XYLT1: variants seen among roughly 807,000 people sequenced by gnomAD.
XYLT1 encodes beta-D-xylosyltransferase 1.
XYLT1 carries 36 observed loss-of-function variants against 91.3 expected under a neutral mutation model. That is an observed-to-expected ratio of 0.39 (90% confidence interval 0.30 to 0.52). XYLT1 has a LOEUF of 0.52. XYLT1 is among the 20% of genes least tolerant of loss of function. The pLI, the probability that XYLT1 is intolerant of heterozygous loss-of-function variation, is 0.68. For missense variants in XYLT1, 1,242 were observed against 1,284.5 expected, an observed-to-expected ratio of 0.97 and a Z score of 0.51; for synonymous variants, 588 against 532.0, an observed-to-expected ratio of 1.11 and a Z score of -1.45.
chr16:17,387,403 C>T (rs1265377697), intron 1 of XYLT1, among the ~76,000 whole-genome samples: 1 of 152,184 alleles, frequency 6.6e-6, no homozygotes, highest in Non-Finnish European at 1.5e-5. Flanking sequence ...TCGCCACCCC[C>T]CACCTCCCTC....
intron 1 of XYLT1, among the ~76,000 whole-genome samples, chr16:17,400,635 GGAAGGA>G (rs1567189554): frequency 4.7e-4 from 33 of 70,452 alleles, no homozygotes; most frequent in African/African-American, 8.9e-4. Context: ...AAGGGAGGAA[GGAAGGA>G]AGGAAGGAAG....
chr16:17,414,608 C>T (rs1031815987), intron 1 of XYLT1, among the ~76,000 whole-genome samples: 1 of 152,200 alleles, frequency 6.6e-6, no homozygotes, highest in Non-Finnish European at 1.5e-5. Flanking sequence ...ACTGGGCACC[C>T]ACAGGAAGCC....
intron 3 of XYLT1, among the ~76,000 whole-genome samples, chr16:17,241,946 T>C (rs947936409): frequency 6.6e-6 from 1 of 152,134 alleles, no homozygotes; most frequent in African/African-American, 2.4e-5. Flanking sequence ...GGGGAAGACC[T>C]CACAAGTATG....
chr16:17,446,525 TG>T (rs2036593622), intron 1 of XYLT1: 1 of 151,934 alleles, frequency 6.6e-6, no homozygotes, highest in Non-Finnish European at 1.5e-5. Context: ...CAACAGGTGA[TG>T]CTGCCTCTTC....
chr16:17,269,456 C>T (rs759072477), intron 2 of XYLT1, among the ~76,000 whole-genome samples: 14 of 152,168 alleles, frequency 9.2e-5, no homozygotes, highest in Admixed American at 3.3e-4. Context: ...AGATTACAAG[C>T]GTGAGCTACC....
In XYLT1 at chr16:17,456,338, T is replaced by C. The variant is rs576632692; in HGVS notation, c.363+14096A>G. On this transcript the variant is annotated intron_variant, in intron 1 of 11. Transcript: ENST00000261381. The stretch of plus-strand genomic sequence containing the variant: ...GCAGGCAAACAGTACAAACCTTTTT[T>C]TTTTTTTTTTTTTTTTGGAGACAGG... Among the ~76,000 whole-genome samples the C allele has an allele frequency of 9.0e-5, 13 of 144,952 alleles. No individual in the cohort carries two copies. The South Asian group carries it at 2.9e-3, about 32-fold the overall frequency.
chr16:17,272,094 T>A (rs1036483817), intron 2 of XYLT1, among the ~76,000 whole-genome samples: 1 of 151,854 alleles, frequency 6.6e-6, no homozygotes, highest in African/African-American at 2.4e-5. Context: ...ACACATTCAT[T>A]TGGGCAGTGG....
chr16:17,152,905 G>A (rs1335476679), intron 6 of XYLT1, among the ~76,000 whole-genome samples: 1 of 152,042 alleles, frequency 6.6e-6, no homozygotes, highest in East Asian at 1.9e-4. Context: ...GGTTGGAGTG[G>A]CTAATTTTAT....
At chr16:17,111,678 T>G (rs1966841120) in intron 11 of XYLT1, among the ~76,000 whole-genome samples, 1 of 152,190 alleles carries the variant, frequency 6.6e-6, no homozygotes, top group African/African-American at 2.4e-5. Context: ...AAATTTGCCT[T>G]GACTAACACA....
intron 1 of XYLT1, among the ~76,000 whole-genome samples, chr16:17,403,051 T>C (rs1177603699): frequency 6.6e-6 from 1 of 152,182 alleles, no homozygotes; most frequent in African/African-American, 2.4e-5. Flanking sequence ...ATGACCATCA[T>C]CCCAGCTTCC....
chr16:17,409,796 T>A (rs1469140200), intron 1 of XYLT1, among the ~76,000 whole-genome samples: 1 of 144,894 alleles, frequency 6.9e-6, no homozygotes, highest in Non-Finnish European at 1.5e-5. Context: ...GTGATCCACC[T>A]GCCTTGCCCT....
chr16:17,191,926 C>CA (rs1439976141), intron 5 of XYLT1, among the ~76,000 whole-genome samples: 1 of 152,128 alleles, frequency 6.6e-6, no homozygotes, highest in Admixed American at 6.5e-5. Context: ...TTTCTGTATA[C>CA]ATACACTGCC....
chr16:17,259,612 A>G, intron 2 of XYLT1, 114 bp from the exon 3 acceptor site: 1 of 1,297,038 alleles, frequency 7.7e-7, no homozygotes. Context: ...ATAGTTTCAC[A>G]TCCTACTTTT....
At chr16:17,225,230 T>C (rs145341745) in intron 3 of XYLT1, among the ~76,000 whole-genome samples, 1 of 152,184 alleles carries the variant, frequency 6.6e-6, no homozygotes, top group East Asian at 1.9e-4. Context: ...TCTCATCATG[T>C]TCTGAAACGT....
At chr16:17,331,939 C>G (rs780211481) in intron 2 of XYLT1, among the ~76,000 whole-genome samples, 2 of 152,352 alleles carry the variant, frequency 1.3e-5, no homozygotes, top group Middle Eastern at 3.4e-3. Context: ...CTCAGCAAGA[C>G]CAGGTACAGT....
At chr16:17,438,557 T>C (rs80312255) in intron 1 of XYLT1, among the ~76,000 whole-genome samples, 2 of 152,114 alleles carry the variant, frequency 1.3e-5, no homozygotes, top group Non-Finnish European at 2.9e-5. Context: ...AGCGTTCACA[T>C]CTGTATCAGT....
intron 2 of XYLT1, among the ~76,000 whole-genome samples, chr16:17,296,339 G>T (rs1384901639): frequency 1.3e-5 from 2 of 152,164 alleles, no homozygotes; most frequent in Non-Finnish European, 2.9e-5. Context: ...GCAGAGATGG[G>T]GCTGGGGCTT....
intron 5 of XYLT1, among the ~76,000 whole-genome samples, chr16:17,175,499 T>A (rs1040352741): frequency 4.6e-5 from 7 of 151,362 alleles, no homozygotes; most frequent in African/African-American, 1.5e-4. Context: ...AGCCCACAGG[T>A]AACAGAAACA....
chr16:17,338,035 TG>T (rs1284550417), intron 2 of XYLT1: 2 of 369,360 alleles, frequency 5.4e-6, no homozygotes, highest in Non-Finnish European at 1.1e-5. Flanking sequence ...CCCAAAGTGC[TG>T]GGATTATAGG....
Sources: allele counts gnomAD v4.1 joint callset (sites outside exome capture counted in the v4.1 genomes callset), GRCh38; gene constraint gnomAD v4.1.1; transcripts MANE v1.5; gene names NCBI Gene and HGNC (gene_info 2026-07-23, HGNC 2026-07-21).